Variants in ENPP2 observed in about 807,000 individuals in gnomAD.
ENPP2 encodes the protein autotaxin.
A neutral mutation model predicts 120.2 loss-of-function variants in ENPP2; 51 were observed. That is an observed-to-expected ratio of 0.42 (90% CI 0.34 to 0.54). The LOEUF (loss-of-function observed/expected upper bound fraction) is 0.54. Among genes scored for constraint, ENPP2 ranks in the 20% least tolerant of loss-of-function variants. The probability of loss-of-function intolerance (pLI) is 0.04; values close to 1 mark genes in which losing one functional copy is unlikely to be tolerated. For synonymous variants in ENPP2, 365 were observed against 366.4 expected (o/e 1.00, Z 0.04); for missense variants, 920 against 1,066.5 (o/e 0.86, Z 1.91).
chr8:119,637,752 C>T (rs1817089135), intron 2 of ENPP2, among the ~76,000 whole-genome samples: 1 of 152,176 alleles, frequency 6.6e-6, no homozygotes, highest in Non-Finnish European at 1.5e-5. Flanking sequence ...GCACAAGGAG[C>T]TCCTTTATAA....
At chr8:119,609,654 C>T (rs573402440) in intron 8 of ENPP2, among the ~76,000 whole-genome samples, 28 of 152,288 alleles carry the variant, frequency 1.8e-4, no homozygotes, top group African/African-American at 6.0e-4. Context: ...GCTGGACACA[C>T]TATAAAACCA....
chr8:119,636,501 C>T (rs1365891193), intron 2 of ENPP2, among the ~76,000 whole-genome samples: 2 of 152,138 alleles, frequency 1.3e-5, no homozygotes, highest in Non-Finnish European at 2.9e-5. Flanking sequence ...TAGATGATAT[C>T]ATAAAGGCCT....
chr8:119,586,364 T>A lies in ENPP2; in HGVS notation c.1240-51A>T, dbSNP rs1267106738. Reference sequence around the variant, plus strand: ...TCAGATGGAATGTCTTTTGGAAAAATTCTTACAAATTCTCTCTCTAGAAAG... The same window carrying A: ...TCAGATGGAATGTCTTTTGGAAAAAATCTTACAAATTCTCTCTCTAGAAAG... On this transcript the variant is annotated intron_variant, in intron 14 of 24. Coordinates refer to ENST00000075322, the MANE Select transcript of ENPP2 (RefSeq NM_001040092.3). The A allele has an allele frequency of 3.2e-6, 5 of 1,562,420 alleles. No individual in the cohort carries two copies. The East Asian group carries it at 1.1e-4, about 35-fold the overall frequency.
intron 6 of ENPP2, 109 bp from the exon 7 acceptor site, chr8:119,617,352 A>C (rs567314908): frequency 3.5e-5 from 41 of 1,171,938 alleles, no homozygotes; most frequent in Non-Finnish European, 4.5e-5. Context: ...CTGTATTTCA[A>C]ATAATAAAAC....
intron 8 of ENPP2, among the ~76,000 whole-genome samples, chr8:119,609,703 A>T (rs942096030): frequency 1.3e-5 from 2 of 152,284 alleles, no homozygotes; most frequent in Non-Finnish European, 2.9e-5. Flanking sequence ...ATATTAAGGG[A>T]TCTATTTTCA....
chr8:119,578,572 G>A (rs984421575), intron 19 of ENPP2: 1 of 152,140 alleles, frequency 6.6e-6, no homozygotes, highest in Non-Finnish European at 1.5e-5. Context: ...GTATTTATCT[G>A]CCTTGGCAAC....
intron 11 of ENPP2, among the ~76,000 whole-genome samples, chr8:119,599,128 A>G (rs979343415): frequency 6.6e-6 from 1 of 152,228 alleles, no homozygotes; most frequent in African/African-American, 2.4e-5. Context: ...CTTTACTGGC[A>G]TCATGTATGC....
chr8:119,594,134 TAA>T (rs1191984793), intron 11 of ENPP2, among the ~76,000 whole-genome samples: 1 of 152,202 alleles, frequency 6.6e-6, no homozygotes, highest in African/African-American at 2.4e-5. Context: ...GAAAATTCTT[TAA>T]GAGAGAAAAT....
intron 15 of ENPP2, 70 bp from the exon 16 acceptor site, chr8:119,584,119 G>C: frequency 1.9e-6 from 2 of 1,069,732 alleles, no homozygotes; most frequent in Non-Finnish European, 2.9e-6. Context: ...GGTAATTTCA[G>C]GGTACAAAGA....
At chr8:119,656,565 T>C (rs914406044) in intron 1 of ENPP2, among the ~76,000 whole-genome samples, 3 of 152,226 alleles carry the variant, frequency 2.0e-5, no homozygotes, top group Non-Finnish European at 2.9e-5. Context: ...GAATCTACTA[T>C]GGCCTAGGCA....
intron 1 of ENPP2, among the ~76,000 whole-genome samples, chr8:119,651,024 T>C (rs1018723119): frequency 1.3e-5 from 2 of 150,432 alleles, no homozygotes; most frequent in African/African-American, 4.9e-5. Flanking sequence ...AGATCAAGGC[T>C]CACTCACTCT....
chr8:119,646,129 C>G (rs1040075834), intron 1 of ENPP2, among the ~76,000 whole-genome samples: 3 of 151,912 alleles, frequency 2.0e-5, no homozygotes, highest in Non-Finnish European at 4.4e-5. Flanking sequence ...TCACCATACC[C>G]GGCTAATTTT....
At chr8:119,575,729 T>G (rs1812289783) in intron 19 of ENPP2, among the ~76,000 whole-genome samples, 1 of 152,190 alleles carries the variant, frequency 6.6e-6, no homozygotes, top group South Asian at 2.1e-4. Flanking sequence ...TGAAGTGGCT[T>G]GTTTAGTTTT....
At chr8:119,597,452 T>C (rs976040158) in intron 11 of ENPP2, among the ~76,000 whole-genome samples, 4 of 152,192 alleles carry the variant, frequency 2.6e-5, no homozygotes, top group African/African-American at 9.6e-5. Context: ...CCAGTGATTA[T>C]ATCGCATGTA....
intron 22 of ENPP2, among the ~76,000 whole-genome samples, chr8:119,566,230 G>A (rs190416877): frequency 6.6e-6 from 1 of 152,300 alleles, no homozygotes; most frequent in African/African-American, 2.4e-5. Flanking sequence ...GGGGCAGAAT[G>A]GAAATGGAGA....
At chr8:119,582,992 G>C (rs1480011721) in intron 17 of ENPP2, among the ~76,000 whole-genome samples, 1 of 152,200 alleles carries the variant, frequency 6.6e-6, no homozygotes, top group East Asian at 1.9e-4. Context: ...TTTGAAATGA[G>C]ACTTATAATC....
chr8:119,659,093 T>C (rs1381572233), intron 1 of ENPP2, among the ~76,000 whole-genome samples: 2 of 151,900 alleles, frequency 1.3e-5, no homozygotes, highest in Non-Finnish European at 2.9e-5. Flanking sequence ...GGCAGGCAGA[T>C]TGCTTGAGGC....
intron 1 of ENPP2, among the ~76,000 whole-genome samples, chr8:119,668,816 C>A (rs1416123239): frequency 6.6e-6 from 1 of 152,150 alleles, no homozygotes; most frequent in Non-Finnish European, 1.5e-5. Flanking sequence ...TAAACCTTAA[C>A]TATATAAAGC....
In ENPP2 at chr8:119,596,026, T is replaced by C. The variant is rs1305093965; in HGVS notation, c.973-2166A>G. The C allele has an allele frequency of 2.4e-5, 38 of 1,611,594 alleles. No individual in the cohort carries two copies. The Admixed American group carries it at 6.0e-4, about 26-fold the overall frequency. Reference sequence around the variant, plus strand: ...TCCTGTACTGGCGGATAGAGATGTCTGGACTCAGAAGTCGTCTGTCCCTCT... The same window carrying C: ...TCCTGTACTGGCGGATAGAGATGTCCGGACTCAGAAGTCGTCTGTCCCTCT... On this transcript the variant is annotated intron_variant, in intron 11 of 24. Transcript: ENST00000075322.
Sources: allele counts gnomAD v4.1 joint callset (sites outside exome capture counted in the v4.1 genomes callset), GRCh38; gene constraint gnomAD v4.1.1; transcripts MANE v1.5; gene names NCBI Gene and HGNC (gene_info 2026-07-23, HGNC 2026-07-21).